The following C8orf34 variants were observed in gnomAD, a reference collection of about 807,000 sequenced individuals.
The protein encoded by C8orf34 is chromosome 8 open reading frame 34, also known as uncharacterized protein C8orf34.
Under a neutral mutation model 68.3 loss-of-function variants are expected in C8orf34, and 65 were observed. That is an observed-to-expected ratio of 0.95 (90% CI 0.78 to 1.17). The LOEUF is 1.17. C8orf34 is among the 50% of genes most tolerant of loss of function. C8orf34 has a pLI of 0.00. For missense variants in C8orf34, 664 were observed against 655.4 expected (o/e 1.01, Z -0.14); for synonymous variants, 244 against 241.2 (o/e 1.01, Z -0.11).
chr8:68,811,816 A>G (rs1048657292), intron 12 of C8orf34, among the ~76,000 whole-genome samples: 1 of 152,192 alleles, frequency 6.6e-6, no homozygotes, highest in Non-Finnish European at 1.5e-5. Context: ...TTGTATGGGT[A>G]TTATTAATAT....
intron 10 of C8orf34, among the ~76,000 whole-genome samples, chr8:68,766,590 T>A (rs1322027004): frequency 1.3e-5 from 2 of 152,202 alleles, no homozygotes; most frequent in African/African-American, 4.8e-5. Flanking sequence ...TGCTGATATG[T>A]AACCAATAAG....
chr8:68,687,523 T>C (rs1205916851), intron 8 of C8orf34, among the ~76,000 whole-genome samples: 3 of 152,064 alleles, frequency 2.0e-5, no homozygotes, highest in Non-Finnish European at 4.4e-5. Context: ...AAGGACACCG[T>C]ATTCAAAAAA....
intron 9 of C8orf34, among the ~76,000 whole-genome samples, chr8:68,712,915 G>C (rs1211580216): frequency 1.3e-5 from 2 of 152,082 alleles, no homozygotes; most frequent in Non-Finnish European, 2.9e-5. Context: ...TAGACCATAT[G>C]ATAGGCCACA....
intron 5 of C8orf34, among the ~76,000 whole-genome samples, chr8:68,510,485 C>CAG (rs1457860310): frequency 6.6e-6 from 1 of 152,124 alleles, no homozygotes; most frequent in Non-Finnish European, 1.5e-5. Context: ...GAGCTGCCAC[C>CAG]AGAGATTGCT....
chr8:68,352,523 G>A (rs1341201355), intron 1 of C8orf34, among the ~76,000 whole-genome samples: 1 of 152,046 alleles, frequency 6.6e-6, no homozygotes, highest in Non-Finnish European at 1.5e-5. Flanking sequence ...TACTTGCTGT[G>A]TTAGGCAGCC....
intron 1 of C8orf34, among the ~76,000 whole-genome samples, chr8:68,418,339 G>A (rs1189743756): frequency 6.6e-6 from 1 of 151,382 alleles, no homozygotes; most frequent in Admixed American, 6.6e-5. Context: ...ATGTTGAATA[G>A]GAGTGGTGAG....
chr8:68,441,910 T>C (rs1284147076), intron 2 of C8orf34, among the ~76,000 whole-genome samples: 1 of 152,200 alleles, frequency 6.6e-6, no homozygotes, highest in Non-Finnish European at 1.5e-5. Context: ...TTAGTACCTA[T>C]TGATGATTTT....
At chr8:68,606,440 C>A (rs1383004443) in intron 7 of C8orf34, among the ~76,000 whole-genome samples, 1 of 151,982 alleles carries the variant, frequency 6.6e-6, no homozygotes, top group African/African-American at 2.4e-5. Flanking sequence ...TAAAAGTTGG[C>A]CCATAACTTA....
chr8:68,679,822 A>G (rs565763730), intron 8 of C8orf34, among the ~76,000 whole-genome samples: 37 of 152,324 alleles, frequency 2.4e-4, no homozygotes, highest in South Asian at 2.1e-3. Context: ...AAGAACATGC[A>G]CAGGGGAAAG....
chr8:68,340,294 C>A (rs985180293), intron 1 of C8orf34, among the ~76,000 whole-genome samples: 5 of 151,994 alleles, frequency 3.3e-5, no homozygotes, highest in African/African-American at 1.2e-4. Flanking sequence ...TAATATAATA[C>A]TATTCTTAAA....
intron 3 of C8orf34, 132 bp downstream of exon 3, chr8:68,446,592 CT>C: frequency 2.3e-6 from 2 of 886,310 alleles, no homozygotes; most frequent in Non-Finnish European, 3.4e-6. Flanking sequence ...GTGAATTTCA[CT>C]TTTACTCCGC....
chr8:68,587,364 C>T (rs916995855), intron 7 of C8orf34, among the ~76,000 whole-genome samples: 3 of 152,048 alleles, frequency 2.0e-5, no homozygotes, highest in African/African-American at 7.2e-5. Flanking sequence ...TACCTTTGAG[C>T]ATTAGCATTG....
intron 7 of C8orf34, among the ~76,000 whole-genome samples, chr8:68,602,074 G>A (rs1817714730): frequency 6.6e-6 from 1 of 152,102 alleles, no homozygotes; most frequent in Non-Finnish European, 1.5e-5. Flanking sequence ...CTGACACCAG[G>A]GAGGGGAGAA....
chr8:68,424,320 C>A (rs1285133970), intron 1 of C8orf34, among the ~76,000 whole-genome samples: 1 of 152,098 alleles, frequency 6.6e-6, no homozygotes, highest in Non-Finnish European at 1.5e-5. Flanking sequence ...CATGCTCAAC[C>A]TAAACGGGGC....
intron 3 of C8orf34, among the ~76,000 whole-genome samples, chr8:68,448,888 A>C (rs1811227445): frequency 6.6e-6 from 1 of 152,088 alleles, no homozygotes; most frequent in African/African-American, 2.4e-5. Context: ...ATTTAAGATA[A>C]AGGATATTAC....
At chr8:68,717,069 C>T (rs577313723) in intron 9 of C8orf34, among the ~76,000 whole-genome samples, 232 of 151,964 alleles carry the variant, frequency 1.5e-3, no homozygotes, top group African/African-American at 5.3e-3. Flanking sequence ...ATACTCCCAC[C>T]GTGGCTGATT....
At chr8:68,722,440 A>G (rs1040786534) in intron 10 of C8orf34, among the ~76,000 whole-genome samples, 2 of 152,080 alleles carry the variant, frequency 1.3e-5, no homozygotes, top group African/African-American at 2.4e-5. Context: ...CTGTGACGAG[A>G]TTACATGATT....
Position 68,759,554 on chromosome 8 carries a change from A to T in C8orf34, c.1405-16845A>T, listed in dbSNP as rs569726070. ...TCTCAAAAGATTTCTTAGCTGTGAA[A>T]GAATTACAGAATGCCAAGAAGTACC... On this transcript the variant is annotated intron_variant, in intron 10 of 13. Coordinates refer to ENST00000518698, the MANE Select transcript of C8orf34 (RefSeq NM_052958.4). Among the ~76,000 whole-genome samples the T allele has an allele frequency of 1.5e-4, 23 of 152,372 alleles. No individual in the cohort carries two copies. The East Asian group carries it at 4.2e-3, about 28-fold the overall frequency.
chr8:68,624,913 T>G (rs1423748393), intron 7 of C8orf34, among the ~76,000 whole-genome samples: 1 of 150,068 alleles, frequency 6.7e-6, no homozygotes. Context: ...TTTCTTGCTT[T>G]TTTTTTTTTT....
Sources: gnomAD v4.1 joint callset for allele counts (sites outside exome capture counted in the v4.1 genomes callset) on GRCh38, gnomAD v4.1.1 for gene constraint, MANE v1.5 for transcripts, NCBI Gene and HGNC (gene_info 2026-07-23, HGNC 2026-07-21) for gene names.